DPP10: variants seen among roughly 807,000 people sequenced by gnomAD.
DPP10 encodes the protein dipeptidyl peptidase like 10.
A neutral mutation model predicts 120.9 loss-of-function variants in DPP10; 33 were observed. That is an observed-to-expected ratio of 0.27 (90% CI 0.21 to 0.37). The LOEUF (loss-of-function observed/expected upper bound fraction) is 0.37. DPP10 is among the 10% of genes least tolerant of loss of function. The pLI is 1.00. For synonymous variants in DPP10, 337 were observed against 326.1 expected (o/e 1.03, Z -0.36); for missense variants, 816 against 942.8 (o/e 0.87, Z 1.76).
At chr2:115,267,716 A>T (rs113395145) in intron 1 of DPP10, among the ~76,000 whole-genome samples, 6,938 of 152,142 alleles carry the variant, frequency 0.046, 232 homozygotes, top group Middle Eastern at 0.092. Context: ...TTCTTCTCCT[A>T]TAGGTAAACA....
intron 1 of DPP10, among the ~76,000 whole-genome samples, chr2:114,980,889 C>T (rs542765700): frequency 3.9e-4 from 59 of 151,916 alleles, no homozygotes; most frequent in African/African-American, 1.4e-3. Flanking sequence ...ACGTCAATAA[C>T]GTTTTATACT....
At chr2:114,703,033 CAG>C (rs1700478343) in intron 1 of DPP10, among the ~76,000 whole-genome samples, 1 of 152,004 alleles carries the variant, frequency 6.6e-6, no homozygotes, top group South Asian at 2.1e-4. Flanking sequence ...TATACATTGG[CAG>C]AGAGATGATC....
chr2:114,688,227 G>A (rs1392035985), intron 1 of DPP10, among the ~76,000 whole-genome samples: 1 of 151,904 alleles, frequency 6.6e-6, no homozygotes, highest in Non-Finnish European at 1.5e-5. Context: ...GCTAGCCTGT[G>A]GAAAGTCACA....
At chr2:114,934,222 G>A (rs1014000511) in intron 1 of DPP10, among the ~76,000 whole-genome samples, 7 of 152,054 alleles carry the variant, frequency 4.6e-5, no homozygotes, top group Admixed American at 3.3e-4. Flanking sequence ...CATCTCTGAG[G>A]TAAAAATCCA....
At chr2:115,610,661 G>A (rs191333781) in intron 5 of DPP10, among the ~76,000 whole-genome samples, 5 of 152,228 alleles carry the variant, frequency 3.3e-5, no homozygotes, top group African/African-American at 1.2e-4. Flanking sequence ...TTCCTGAAAT[G>A]CTTGTATATA....
chr2:115,219,358 G>C (rs942782921), intron 1 of DPP10, among the ~76,000 whole-genome samples: 1 of 151,988 alleles, frequency 6.6e-6, no homozygotes, highest in Non-Finnish European at 1.5e-5. Flanking sequence ...TGAATCATGA[G>C]CATGGTTCAA....
chr2:115,042,859 A>C (rs1559027922), intron 1 of DPP10, among the ~76,000 whole-genome samples: 1 of 152,188 alleles, frequency 6.6e-6, no homozygotes, highest in African/African-American at 2.4e-5. Context: ...CTTGTATATC[A>C]TTTTGAAGTT....
At chr2:114,948,922 G>T (rs187644162) in intron 1 of DPP10, among the ~76,000 whole-genome samples, 33 of 151,702 alleles carry the variant, frequency 2.2e-4, no homozygotes, top group African/African-American at 6.8e-4. Flanking sequence ...GGGGTAGTGA[G>T]ACACTTTGTT....
intron 1 of DPP10, among the ~76,000 whole-genome samples, chr2:115,258,294 G>A (rs1007046466): frequency 3.3e-5 from 5 of 152,246 alleles, no homozygotes; most frequent in East Asian, 1.9e-4. Context: ...CGTTTAATGT[G>A]TGTCAGCTAT....
At chr2:115,129,236 C>A (rs566927494) in intron 1 of DPP10, among the ~76,000 whole-genome samples, 37 of 152,310 alleles carry the variant, frequency 2.4e-4, no homozygotes, top group African/African-American at 8.2e-4. Flanking sequence ...AGGAACTTTA[C>A]ATCTGTCATG....
intron 4 of DPP10, among the ~76,000 whole-genome samples, chr2:115,516,128 C>A (rs747187933): frequency 5.3e-5 from 8 of 152,066 alleles, no homozygotes; most frequent in South Asian, 2.1e-4. Context: ...TGAATGTCTG[C>A]CTCAGCTCCT....
At chr2:115,761,810 G>C (rs1680145017) in intron 11 of DPP10, among the ~76,000 whole-genome samples, 3 of 152,040 alleles carry the variant, frequency 2.0e-5, no homozygotes, top group Admixed American at 1.3e-4. Context: ...AACAATTTGA[G>C]ATGGGTACCT....
chr2:114,571,841 ATATT>A (rs57327455), intron 1 of DPP10, among the ~76,000 whole-genome samples: 5,802 of 148,652 alleles, frequency 0.039, 360 homozygotes, highest in African/African-American at 0.13. Flanking sequence ...GTAGTATATA[ATATT>A]TATACTACAT....
rs188746852 is a variant in DPP10, at chr2:115,436,863, T to A, written c.272-62647T>A. 1.6e-3 allele frequency among the ~76,000 whole-genome samples: 236 copies of A among 152,072 alleles called. 2 individuals are homozygous for A. The South Asian group carries it at 0.019, about 13-fold the overall frequency. On this transcript the variant is annotated intron_variant, in intron 3 of 25. Transcript: ENST00000410059. ...ATATGAGGCATTTTAAACTGAACCA[T>A]CTTTAATTAATAATTTATTCTACCC...
At chr2:115,174,728 G>T (rs987361655) in intron 1 of DPP10, among the ~76,000 whole-genome samples, 1 of 152,110 alleles carries the variant, frequency 6.6e-6, no homozygotes, top group East Asian at 1.9e-4. Context: ...ACATTCCCAA[G>T]CTCAGAAAAA....
At chr2:114,615,621 A>G (rs2105306407) in intron 1 of DPP10, among the ~76,000 whole-genome samples, 1 of 152,244 alleles carries the variant, frequency 6.6e-6, no homozygotes, top group South Asian at 2.1e-4. Context: ...ACCAAGAGTA[A>G]TGGGTTCTAT....
At chr2:115,550,484 T>A (rs1299303721) in intron 5 of DPP10, among the ~76,000 whole-genome samples, 1 of 152,136 alleles carries the variant, frequency 6.6e-6, no homozygotes, top group Non-Finnish European at 1.5e-5. Context: ...TAGCACATTA[T>A]TTAAACAGAT....
rs1696293951 is a variant in DPP10, at chr2:114,934,265, A to G, written c.61-374974A>G. Among the ~76,000 whole-genome samples, 5 of 152,346 alleles carry G rather than the reference A, an allele frequency of 3.3e-5. No homozygotes were observed. The South Asian group carries it at 8.3e-4, about 25-fold the overall frequency. On this transcript the variant is annotated intron_variant, in intron 1 of 25. Coordinates refer to ENST00000410059, the MANE Select transcript of DPP10 (RefSeq NM_020868.6). ...CTTTTGACTCCCCAAAAACTTAACTACTAATAGCCTCCTTTGACTGGAAGC... is the reference window on the plus strand; with the variant it reads ...CTTTTGACTCCCCAAAAACTTAACTGCTAATAGCCTCCTTTGACTGGAAGC...
chr2:115,010,971 T>C (rs1702221802), intron 1 of DPP10, among the ~76,000 whole-genome samples: 1 of 152,164 alleles, frequency 6.6e-6, no homozygotes, highest in Non-Finnish European at 1.5e-5. Context: ...AGGCAAATAT[T>C]GGCGCAAATT....
Sources: gnomAD v4.1 joint callset for allele counts (sites outside exome capture counted in the v4.1 genomes callset) on GRCh38, gnomAD v4.1.1 for gene constraint, MANE v1.5 for transcripts, NCBI Gene and HGNC (gene_info 2026-07-23, HGNC 2026-07-21) for gene names.